The following DENND5B variants were observed in gnomAD, a reference collection of about 807,000 sequenced individuals.
The protein encoded by DENND5B is DENN domain-containing protein 5B.
In DENND5B, 34 loss-of-function variants were observed where a neutral mutation model predicts 140.6. That is an observed-to-expected ratio of 0.24 (90% CI 0.18 to 0.32). The LOEUF (loss-of-function observed/expected upper bound fraction) is 0.32. DENND5B is among the 10% of genes least tolerant of loss of function. The pLI is 1.00. For synonymous variants in DENND5B, 551 were observed against 562.1 expected, an observed-to-expected ratio of 0.98 and a Z score of 0.28; for missense variants, 1,142 against 1,560.2, an observed-to-expected ratio of 0.73 and a Z score of 4.52.
intron 2 of DENND5B, among the ~76,000 whole-genome samples, chr12:31,483,419 AT>A (rs1946148971): frequency 6.6e-6 from 1 of 152,104 alleles, no homozygotes; most frequent in African/African-American, 2.4e-5. Flanking sequence ...CACTTTTTAA[AT>A]AAATGTGGTT....
Position 31,454,984 on chromosome 12 carries a change from A to T in DENND5B, c.1093-2508T>A, listed in dbSNP as rs563619239. ...CAGGTGCCTGCCACCACGCCCGGCT[A>T]ATTTTTTTTGTATTTTTAGCAGAGA... On this transcript the variant is annotated intron_variant, in intron 4 of 20. Transcript: ENST00000389082. Among the ~76,000 whole-genome samples, 629 of 151,528 alleles carry T rather than the reference A, an allele frequency of 4.2e-3. 3 individuals are homozygous for T. Among genetic ancestry groups the T allele is most frequent in the African/African-American group, 0.013 (517 of 41,288 alleles).
intron 11 of DENND5B, among the ~76,000 whole-genome samples, chr12:31,417,415 T>G (rs1162455470): frequency 6.6e-6 from 1 of 151,636 alleles, no homozygotes; most frequent in Admixed American, 6.6e-5. Flanking sequence ...CTGATAAGTT[T>G]CTACCTTAAA....
intron 11 of DENND5B, among the ~76,000 whole-genome samples, chr12:31,420,773 T>C (rs945350490): frequency 2.6e-5 from 4 of 152,126 alleles, no homozygotes; most frequent in African/African-American, 9.7e-5. Flanking sequence ...TTAAAACTTT[T>C]GAGTGATATG....
At position 31,383,166 on chromosome 12, in the gene DENND5B, C is replaced by T. The variant is rs1940704157; in HGVS notation, c.*4437G>A. The T allele has an allele frequency of 6.6e-6, 1 of 152,102 alleles. No homozygotes were observed. The highest frequency in any genetic ancestry group is 2.1e-4 in the South Asian group (1 of 4,830). The allele number at this position is 152,102 out of a possible 1,614,324, so 9.4% of individuals were successfully genotyped here. A position where few individuals can be genotyped will look rare whatever the true frequency, so the allele number is the denominator to read the frequency against. ...AGGATACACTAGTTTCTGTAAACCT[C>T]ACAGAAAATATTCACAGTTCCCTAA... On this transcript the variant is annotated 3_prime_UTR_variant, in exon 21 of 21. Coordinates refer to ENST00000389082, the MANE Select transcript of DENND5B (RefSeq NM_144973.4).
intron 17 of DENND5B, among the ~76,000 whole-genome samples, chr12:31,394,368 TA>T (rs533398483): frequency 3.0e-4 from 45 of 151,274 alleles, no homozygotes; most frequent in East Asian, 2.5e-3. Context: ...AAAGTACGAT[TA>T]AAAAAAAATG....
At chr12:31,452,521 G>A in intron 4 of DENND5B, 45 bp from the exon 5 acceptor site, 1 of 1,530,726 alleles carries the variant, frequency 6.5e-7, no homozygotes, top group Non-Finnish European at 8.8e-7. Flanking sequence ...TAAAGGAATT[G>A]TATGTGCTAA....
rs895997442 is a variant in DENND5B, at chr12:31,384,924, C to A, written c.*2679G>T. The A allele has an allele frequency of 2.0e-5, 3 of 151,858 alleles. No homozygotes were observed. The highest frequency in any genetic ancestry group is 7.2e-5 in the African/African-American group (3 of 41,434). The allele number at this position is 151,858 out of a possible 1,614,324, so 9.4% of individuals were successfully genotyped here. ...TGGAATTACAGGCCCTGCCACCACC[C>A]CCCCGCTAATTTTTGTCTATTTTTT... is the stretch of plus-strand genomic sequence containing the variant. On this transcript the variant is annotated 3_prime_UTR_variant, in exon 21 of 21. Coordinates refer to ENST00000389082, the MANE Select transcript of DENND5B (RefSeq NM_144973.4).
intron 1 of DENND5B, among the ~76,000 whole-genome samples, chr12:31,550,422 C>T (rs1237665863): frequency 6.6e-6 from 1 of 151,938 alleles, no homozygotes; most frequent in Non-Finnish European, 1.5e-5. Flanking sequence ...GCATAGTATT[C>T]CATGGTGTAT....
In DENND5B at chr12:31,590,970, T is replaced by TCTCGCCGCCG; in HGVS notation, c.-148_-139dup. ...GCGCGCCCATGGCCGCGCAGCCGCC[T>TCTCGCCGCCG]CTCGCCGCCGCAGCCTGCCTCCTCG... is the stretch of plus-strand genomic sequence containing the variant. On this transcript the variant is annotated 5_prime_UTR_variant, in exon 1 of 21. Transcript: ENST00000389082. The TCTCGCCGCCG allele has an allele frequency of 1.1e-6, 1 of 949,952 alleles. No homozygotes were observed. The highest frequency in any genetic ancestry group is 4.6e-4 in the Middle Eastern group (1 of 2,166). The allele number at this position is 949,952 out of a possible 1,614,324, so 58.8% of individuals were successfully genotyped here.
chr12:31,496,070 A>G (rs1337303774), intron 1 of DENND5B, among the ~76,000 whole-genome samples, 151 bp from the exon 2 acceptor site: 1 of 152,204 alleles, frequency 6.6e-6, no homozygotes, highest in Non-Finnish European at 1.5e-5. Flanking sequence ...ATCCCGATGG[A>G]CAACTAAAAA....
At chr12:31,578,420 A>G (rs574611944) in intron 1 of DENND5B, among the ~76,000 whole-genome samples, 1 of 152,302 alleles carries the variant, frequency 6.6e-6, no homozygotes, top group East Asian at 1.9e-4. Context: ...TGATATTCCT[A>G]AAAGGCTTTA....
chr12:31,384,921 A>AG lies in DENND5B; in HGVS notation c.*2681_*2682insC, dbSNP rs1940784657. On this transcript the variant is annotated 3_prime_UTR_variant, in exon 21 of 21. Coordinates refer to ENST00000389082, the MANE Select transcript of DENND5B (RefSeq NM_144973.4). ...AGCTGGAATTACAGGCCCTGCCACCACCCCCCCGCTAATTTTTGTCTATTT... is the reference window on the plus strand; with the variant it reads ...AGCTGGAATTACAGGCCCTGCCACCAGCCCCCCCGCTAATTTTTGTCTATTT... 1 of 144,956 alleles carries AG rather than the reference A, an allele frequency of 6.9e-6. No individual in the cohort carries two copies. The highest frequency in any genetic ancestry group is 2.0e-4 in the East Asian group (1 of 4,986). The allele number at this position is 144,956 out of a possible 1,614,324, so 9.0% of individuals were successfully genotyped here.
At chr12:31,418,286 T>C (rs962648455) in intron 11 of DENND5B, among the ~76,000 whole-genome samples, 2 of 148,612 alleles carry the variant, frequency 1.3e-5, no homozygotes, top group African/African-American at 4.9e-5. Context: ...TCTTTTCTTT[T>C]TTTTTTTTTT....
chr12:31,554,180 A>G (rs1949186225), intron 1 of DENND5B, among the ~76,000 whole-genome samples: 1 of 152,160 alleles, frequency 6.6e-6, no homozygotes, highest in African/African-American at 2.4e-5. Flanking sequence ...ACAATTTGGC[A>G]TGTTTTTGCA....
intron 1 of DENND5B, among the ~76,000 whole-genome samples, chr12:31,589,739 T>C (rs1034991780): frequency 2.0e-5 from 3 of 151,914 alleles, no homozygotes; most frequent in African/African-American, 7.3e-5. Flanking sequence ...CTCTCACCCA[T>C]TTAACAACAA....
At chr12:31,558,886 CATCTCCTCT>C (rs1949384446) in intron 1 of DENND5B, among the ~76,000 whole-genome samples, 1 of 152,210 alleles carries the variant, frequency 6.6e-6, no homozygotes, top group Non-Finnish European at 1.5e-5. Flanking sequence ...AACACCATTT[CATCTCCTCT>C]CTAGGAATGA....
intron 1 of DENND5B, among the ~76,000 whole-genome samples, chr12:31,548,028 T>C (rs1355803620): frequency 6.6e-6 from 1 of 152,202 alleles, no homozygotes; most frequent in African/African-American, 2.4e-5. Flanking sequence ...TAAAGGCATT[T>C]GTCTTCTTTC....
intron 5 of DENND5B, among the ~76,000 whole-genome samples, chr12:31,450,918 G>GA (rs1014639567): frequency 1.3e-5 from 2 of 151,842 alleles, no homozygotes; most frequent in South Asian, 2.1e-4. Context: ...GGAGATAGGT[G>GA]AAAAAAAACT....
At chr12:31,461,496 G>A (rs538661599) in intron 3 of DENND5B, among the ~76,000 whole-genome samples, 2 of 152,128 alleles carry the variant, frequency 1.3e-5, no homozygotes, top group East Asian at 1.9e-4. Context: ...CCACAAGTCC[G>A]ATTTAAATGT....
Sources: allele counts gnomAD v4.1 joint callset (sites outside exome capture counted in the v4.1 genomes callset), GRCh38; gene constraint gnomAD v4.1.1; transcripts MANE v1.5; gene names NCBI Gene and HGNC (gene_info 2026-07-23, HGNC 2026-07-21).